The following SPEGNB variants were observed in gnomAD, a reference collection of about 807,000 sequenced individuals.
SPEGNB encodes the protein SPEG neighbor.
Under a neutral mutation model 18.3 loss-of-function variants are expected in SPEGNB, and 12 were observed. The ratio of observed to expected loss-of-function variants is 0.65; its 90% confidence interval spans 0.42 to 1.06. The LOEUF (loss-of-function observed/expected upper bound fraction) is 1.06, where lower values mean the gene tolerates loss of function less well. SPEGNB is among the 50% of genes least tolerant of loss of function. SPEGNB has a pLI of 0.00. For missense variants in SPEGNB, 273 were observed against 329.3 expected, an observed-to-expected ratio of 0.83 and a Z score of 1.32; for synonymous variants, 113 against 138.8, an observed-to-expected ratio of 0.81 and a Z score of 1.31.
intron 1 of SPEGNB, 31 bp downstream of exon 1, chr2:219,496,248 AC>A: frequency 2.0e-6 from 2 of 1,018,746 alleles, no homozygotes; most frequent in Middle Eastern, 2.7e-4. Context: ...AGCCGCAGAC[AC>A]CCCCATTCCT....
At position 219,497,789 on chromosome 2, in the gene SPEGNB, C is replaced by A. The variant is rs780705791; in HGVS notation, c.506C>A (p.Ala169Glu). The A allele has an allele frequency of 1.5e-6, 2 of 1,304,298 alleles. No homozygotes were observed. The highest frequency in any genetic ancestry group is 1.2e-5 in the South Asian group (1 of 81,024). The allele number at this position is 1,304,298 out of a possible 1,614,324, so 80.8% of individuals were successfully genotyped here. Reference protein sequence around the residue: ...ARKGTTVTLTAEILGEPAPDV... With the variant: ...ARKGTTVTLTEEILGEPAPDV... ...AAAGGCACCACCGTGACGCTGACTG[C>A]GGAGATCCTGGGAGAGCCTGCGCCC... The change falls in exon 4 of 5, where the codon GCG becomes GAG. Residue 169 changes from alanine to glutamate, a missense_variant. Transcript: ENST00000651166.
chr2:219,496,400 G>A lies in SPEGNB; in HGVS notation c.46G>A (p.Ala16Thr). The A allele has an allele frequency of 1.6e-6, 2 of 1,288,646 alleles. No individual in the cohort carries two copies. Among genetic ancestry groups the A allele is most frequent in the East Asian group, 1.1e-4 (2 of 17,676 alleles). 79.8% of individuals were successfully genotyped at this position (1,288,646 alleles called of 1,614,324 possible). A position where few individuals can be genotyped will look rare whatever the true frequency, so the allele number is the denominator to read the frequency against. ...PAKKPVAVAP[A>T]PGCTLDINDP... ...CAAAAAGCCAGTGGCTGTGGCCCCA[G>A]CTCCTGGATGTACCCTGGACATCAA... The change falls in exon 2 of 5, where the codon GCT (alanine) becomes ACT (threonine). Residue 16 changes from alanine to threonine, a missense_variant. Coordinates refer to ENST00000651166, the MANE Select transcript of SPEGNB (RefSeq NM_001286811.2).
rs779162293 is a variant in SPEGNB at position 219,496,215 on chromosome 2, A to C, written c.-3A>C. 3.5e-5 allele frequency: 28 copies of C among 793,212 alleles called. No homozygotes were observed. Among genetic ancestry groups the C allele is most frequent in the Non-Finnish European group, 4.3e-5 (26 of 600,652 alleles). The allele number at this position is 793,212 out of a possible 1,614,324, so 49.1% of individuals were successfully genotyped here. A position where few individuals can be genotyped will look rare whatever the true frequency, so the allele number is the denominator to read the frequency against. ...CTCAAGTCCCTAGGTCAACCCCTCC[A>C]CGGTGAGTCTGATCCTCAGAGAAGC... On this transcript the variant is annotated splice_region_variant and 5_prime_UTR_variant, in exon 1 of 5. Coordinates refer to ENST00000651166, the MANE Select transcript of SPEGNB (RefSeq NM_001286811.2).
At chr2:219,496,760 G>T in intron 2 of SPEGNB, 49 bp from the exon 3 acceptor site, 1 of 1,199,028 alleles carries the variant, frequency 8.3e-7, no homozygotes, top group Non-Finnish European at 1.1e-6. Flanking sequence ...TAAGGGCTGT[G>T]GCCGGGCCTG....
In SPEGNB at chr2:219,496,798, C is replaced by A; in HGVS notation, c.129-11C>A. On this transcript the variant is annotated splice_polypyrimidine_tract_variant and intron_variant, in intron 2 of 4. Coordinates refer to ENST00000651166, the MANE Select transcript of SPEGNB (RefSeq NM_001286811.2). Reference sequence around the variant, plus strand: ...TTAGGAACTCTGGGCCCTGACTCGGCCCGCGGGTAGGTCCCGGAAGGAGCT... The same window carrying A: ...TTAGGAACTCTGGGCCCTGACTCGGACCGCGGGTAGGTCCCGGAAGGAGCT... 8.2e-7 allele frequency: 1 copy of A among 1,226,838 alleles called. No homozygotes were observed. The highest frequency in any genetic ancestry group is 1.1e-6 in the Non-Finnish European group (1 of 945,908). 76.0% of individuals were successfully genotyped at this position (1,226,838 alleles called of 1,614,324 possible). A position where few individuals can be genotyped will look rare whatever the true frequency, so the allele number is the denominator to read the frequency against.
chr2:219,497,966 A>G, intron 4 of SPEGNB, 85 bp from the exon 5 acceptor site: 3 of 1,275,986 alleles, frequency 2.4e-6, no homozygotes, highest in Non-Finnish European at 3.1e-6. Context: ...CTGGGCAGCG[A>G]GGAACAGAGC....
intron 2 of SPEGNB, 114 bp downstream of exon 2, chr2:219,496,596 A>G: frequency 1.8e-6 from 2 of 1,085,104 alleles, no homozygotes. Context: ...GAGTGGTCTC[A>G]GGGGAGGGTC....
Position 219,496,463 on chromosome 2 carries a change from G to A in SPEGNB, c.109G>A (p.Ala37Thr). The A allele has an allele frequency of 1.6e-6, 2 of 1,269,830 alleles. No homozygotes were observed. Among genetic ancestry groups the A allele is most frequent in the East Asian group, 5.8e-5 (1 of 17,268 alleles). 78.7% of individuals were successfully genotyped at this position (1,269,830 alleles called of 1,614,324 possible). Residue 37 changes from alanine (A) to threonine (T), a missense_variant, in exon 2 of 5, where the codon GCC (alanine) becomes ACC (threonine). Physicochemically the swap from Ala to Thr is moderately conservative, Grantham distance 58. Coordinates refer to ENST00000651166, the MANE Select transcript of SPEGNB (RefSeq NM_001286811.2). Reference protein sequence around the residue: ...QVQSAAIRIQASYRGHRSRKE... With the variant: ...QVQSAAIRIQTSYRGHRSRKE... The stretch of plus-strand genomic sequence containing the variant: ...CCAGAGTGCGGCCATTCGTATCCAG[G>A]CCTCTTACCGGGGCCACAGGTGAGA...
chr2:219,497,129 C>T lies in SPEGNB; in HGVS notation c.436+13C>T. 8.4e-7 allele frequency: 1 copy of T among 1,185,536 alleles called. No individual in the cohort carries two copies. The highest frequency in any genetic ancestry group is 1.6e-5 in the African/African-American group (1 of 62,074). 73.4% of individuals were successfully genotyped at this position (1,185,536 alleles called of 1,614,324 possible). On this transcript the variant is annotated intron_variant, in intron 3 of 4. Transcript: ENST00000651166. ...ATCCTCGTGGAAGGTACGCGCGCCCCGGGCGCAGCGCCAGGGCGCAGACCA... is the reference window on the plus strand; with the variant it reads ...ATCCTCGTGGAAGGTACGCGCGCCCTGGGCGCAGCGCCAGGGCGCAGACCA...
At position 219,497,026 on chromosome 2, in the gene SPEGNB, G is replaced by T. The variant is rs1694239246; in HGVS notation, c.346G>T (p.Asp116Tyr). 7.7e-7 allele frequency: 1 copy of T among 1,299,568 alleles called. No homozygotes were observed. Among genetic ancestry groups the T allele is most frequent in the African/African-American group, 1.5e-5 (1 of 65,894 alleles). 80.5% of individuals were successfully genotyped at this position (1,299,568 alleles called of 1,614,324 possible). ...DPDVVALVVR[D>Y]GELADLGQYS... is the part of the protein sequence containing the mutation. ...TGACGTGGTGGCACTGGTGGTGCGC[G>T]ACGGCGAGCTGGCAGACCTGGGCCA... Residue 116 changes from aspartate to tyrosine, a missense_variant, in exon 3 of 5, where the codon GAC (aspartate) becomes TAC (tyrosine). Asp to Tyr is a radical substitution (Grantham distance 160, BLOSUM62 -3). Coordinates refer to ENST00000651166, the MANE Select transcript of SPEGNB (RefSeq NM_001286811.2).
At chr2:219,497,666 C>A (rs1395079631) in intron 3 of SPEGNB, 54 bp from the exon 4 acceptor site, 4 of 1,289,532 alleles carry the variant, frequency 3.1e-6, no homozygotes, top group Non-Finnish European at 3.1e-6. Flanking sequence ...GAGGTGATGC[C>A]CTGCCTCATC....
chr2:219,496,721 G>C (rs1694231495), intron 2 of SPEGNB, 88 bp from the exon 3 acceptor site: 2 of 1,136,716 alleles, frequency 1.8e-6, no homozygotes, highest in Non-Finnish European at 2.2e-6. Flanking sequence ...GCCGGTCCAG[G>C]GGGCAGGTAG....
rs1008317605 is a variant in SPEGNB at position 219,496,863 on chromosome 2, G to A, written c.183G>A (p.Lys61=). 4.7e-6 allele frequency: 6 copies of A among 1,271,460 alleles called. No individual in the cohort carries two copies. The highest frequency in any genetic ancestry group is 3.1e-5 in the African/African-American group (2 of 65,034). 78.8% of individuals were successfully genotyped at this position (1,271,460 alleles called of 1,614,324 possible). Residue 61 remains lysine (K), a synonymous_variant, in exon 3 of 5, where the codon AAG becomes AAA. Transcript: ENST00000651166. ...CGCCGCGGGTGCTGGAGCCGCTGAAGGACGTGGTGCTGATCGAAGGCAGCG... is the reference window on the plus strand; with the variant it reads ...CGCCGCGGGTGCTGGAGCCGCTGAAAGACGTGGTGCTGATCGAAGGCAGCG... ...KGPPRVLEPL[K]DVVLIEGSAA...
chr2:219,497,776 G>A lies in SPEGNB; in HGVS notation c.493G>A (p.Val165Met), dbSNP rs768123189. ...DNTKARKGTT[V>M]TLTAEILGEP... ...CACTAAGGCGCGCAAAGGCACCACC[G>A]TGACGCTGACTGCGGAGATCCTGGG... The change falls in exon 4 of 5, where the codon GTG (valine) becomes ATG (methionine). Residue 165 changes from valine (V) to methionine (M), a missense_variant. Transcript: ENST00000651166. 14 of 1,304,254 alleles carry A rather than the reference G, an allele frequency of 1.1e-5. No homozygotes were observed. Among genetic ancestry groups the A allele is most frequent in the Middle Eastern group, 2.1e-4 (1 of 4,720 alleles). The allele number at this position is 1,304,254 out of a possible 1,614,324, so 80.8% of individuals were successfully genotyped here.
intron 4 of SPEGNB, 92 bp from the exon 5 acceptor site, chr2:219,497,959 G>C (rs1019368461): frequency 7.0e-6 from 9 of 1,277,888 alleles, no homozygotes; most frequent in African/African-American, 6.1e-5. Flanking sequence ...GCGGGGACTG[G>C]GCAGCGAGGA....
intron 3 of SPEGNB, 46 bp from the exon 4 acceptor site, chr2:219,497,674 A>G: frequency 7.7e-7 from 1 of 1,292,264 alleles, no homozygotes; most frequent in Non-Finnish European, 1.0e-6. Flanking sequence ...GCCCTGCCTC[A>G]TCTCCGGGTC....
At position 219,498,120 on chromosome 2, in the gene SPEGNB, C is replaced by T. The variant is rs780584102; in HGVS notation, c.648C>T (p.Gly216=). The change falls in exon 5 of 5, where the codon GGC becomes GGT. Residue 216 remains glycine (G), a synonymous_variant. Transcript: ENST00000651166. ...GCCGGGCCACGCCTCAGGACAGCGGCAAGTACGAGGTGTACGTGGAGAACA... is the reference window on the plus strand; with the variant it reads ...GCCGGGCCACGCCTCAGGACAGCGGTAAGTACGAGGTGTACGTGGAGAACA... The part of the protein sequence containing the change: ...TIRRATPQDS[G]KYEVYVENSL... 75 of 1,304,212 alleles carry T rather than the reference C, an allele frequency of 5.8e-5. No homozygotes were observed. The highest frequency in any genetic ancestry group is 7.3e-5 in the Non-Finnish European group (72 of 988,972). The allele number at this position is 1,304,212 out of a possible 1,614,324, so 80.8% of individuals were successfully genotyped here. A position where few individuals can be genotyped will look rare whatever the true frequency, so the allele number is the denominator to read the frequency against.
intron 2 of SPEGNB, 61 bp downstream of exon 2, chr2:219,496,543 A>G (rs2385541): frequency 0.99 from 1,162,872 of 1,175,508 alleles, 576,198 homozygotes; most frequent in East Asian, 1. Context: ...ACTCTTGAGT[A>G]GGGTTTGAGT....
rs753016816 is a variant in SPEGNB, at chr2:219,497,704, C to T, written c.437-16C>T. ...CGGGTCCTTCACGGGGTTTCGCTCCCCTTTCCTTCCGCTAGTCCCGACGAA... is the reference window on the plus strand; with the variant it reads ...CGGGTCCTTCACGGGGTTTCGCTCCTCTTTCCTTCCGCTAGTCCCGACGAA... On this transcript the variant is annotated splice_polypyrimidine_tract_variant and intron_variant, in intron 3 of 4. Transcript: ENST00000651166. 3 of 1,302,012 alleles carry T rather than the reference C, an allele frequency of 2.3e-6. No individual in the cohort carries two copies. The highest frequency in any genetic ancestry group is 1.1e-4 in the East Asian group (2 of 17,960). 80.7% of individuals were successfully genotyped at this position (1,302,012 alleles called of 1,614,324 possible). A position where few individuals can be genotyped will look rare whatever the true frequency, so the allele number is the denominator to read the frequency against.
Sources: allele counts gnomAD v4.1 joint callset, GRCh38; gene constraint gnomAD v4.1.1; transcripts MANE v1.5; gene names NCBI Gene and HGNC (gene_info 2026-07-23, HGNC 2026-07-21).